MCPH1: variants seen among roughly 807,000 people sequenced by gnomAD.
MCPH1 encodes the protein microcephalin 1.
MCPH1 carries 104 observed loss-of-function variants against 84.5 expected under a neutral mutation model. The observed-to-expected ratio is 1.23, with a 90% confidence interval of 1.05 to 1.45. The LOEUF is 1.45. Ranked by LOEUF, MCPH1 falls within the 40% of genes most tolerant of loss-of-function variation. The pLI is 0.00. For synonymous variants in MCPH1, 514 were observed against 366.8 expected, an observed-to-expected ratio of 1.40 and a Z score of -4.58; for missense variants, 1,498 against 1,005.7, an observed-to-expected ratio of 1.49 and a Z score of -6.62.
At chr8:6,489,272 G>C (rs1391833687) in intron 11 of MCPH1, among the ~76,000 whole-genome samples, 1 of 151,956 alleles carries the variant, frequency 6.6e-6, no homozygotes, top group Non-Finnish European at 1.5e-5. Context: ...GTGAGTTTAG[G>C]TTTGATCTCT....
chr8:6,541,729 C>A (rs543480720), intron 12 of MCPH1, among the ~76,000 whole-genome samples: 3 of 152,246 alleles, frequency 2.0e-5, no homozygotes, highest in African/African-American at 7.2e-5. Flanking sequence ...TAGGGCCGGG[C>A]ATAGTGGCTC....
At chr8:6,583,779 G>T (rs990032058) in intron 12 of MCPH1, among the ~76,000 whole-genome samples, 44 of 150,364 alleles carry the variant, frequency 2.9e-4, no homozygotes, top group Middle Eastern at 3.4e-3. Flanking sequence ...GGATGCAGAA[G>T]AGACAACTGA....
chr8:6,508,620 C>A, intron 12 of MCPH1: 2 of 480,044 alleles, frequency 4.2e-6, no homozygotes, highest in South Asian at 4.7e-5. Context: ...GTAATTAAAC[C>A]ATCTCTCTAG....
At chr8:6,615,431 G>A (rs747802908) in intron 12 of MCPH1, among the ~76,000 whole-genome samples, 1 of 152,170 alleles carries the variant, frequency 6.6e-6, no homozygotes, top group Non-Finnish European at 1.5e-5. Context: ...ACGACACAAC[G>A]AACGAATGTG....
At chr8:6,527,641 G>A in intron 12 of MCPH1, 2 of 1,613,954 alleles carry the variant, frequency 1.2e-6, no homozygotes, top group African/African-American at 1.3e-5. Context: ...AGTGTTCCAA[G>A]AGCTGAAGTT....
chr8:6,439,078 G>GA lies in MCPH1; in HGVS notation c.566dup (p.Asn189LysfsTer15), dbSNP rs753597039. 2.0e-5 allele frequency: 33 copies of GA among 1,613,210 alleles called. No homozygotes were observed. The highest frequency in any genetic ancestry group is 1.6e-4 in the Middle Eastern group (1 of 6,082). ...ATTACAAGAGATGAAGGAGAAAAGG[G>GA]AAAATCTTTCCCCCACCTGTAAGTA... On this transcript the variant is annotated frameshift_variant, in exon 6 of 14. Transcript: ENST00000344683. LOFTEE classifies it high-confidence loss of function.
chr8:6,549,236 GGTAC>G (rs1284270194), intron 12 of MCPH1, among the ~76,000 whole-genome samples: 4 of 152,300 alleles, frequency 2.6e-5, no homozygotes, highest in Non-Finnish European at 5.9e-5. Flanking sequence ...CAGTACCATG[GGTAC>G]GTAAATTGTG....
intron 12 of MCPH1, among the ~76,000 whole-genome samples, chr8:6,547,792 C>T (rs764960390): frequency 1.3e-5 from 2 of 151,948 alleles, no homozygotes; most frequent in Admixed American, 6.6e-5. Context: ...GGTGGGAATG[C>T]GGGGCCAGGG....
chr8:6,424,510 C>G (rs1422420772), intron 3 of MCPH1, among the ~76,000 whole-genome samples: 23 of 152,236 alleles, frequency 1.5e-4, no homozygotes, highest in Admixed American at 1.5e-3. Flanking sequence ...GCCAGCTCCA[C>G]TTCCCGCCTC....
intron 3 of MCPH1, among the ~76,000 whole-genome samples, chr8:6,424,302 G>A (rs1400421441): frequency 1.3e-5 from 2 of 150,682 alleles, no homozygotes; most frequent in Admixed American, 6.6e-5. Context: ...TAACAGCTAG[G>A]TGGGGAATAC....
In MCPH1 at chr8:6,443,658, A is replaced by G. The variant is rs192264901; in HGVS notation, c.671-735A>G. Reference sequence around the variant, plus strand: ...GCCCACGTAACCATGGGGCAGTATGATGCATGATGGTGTGTAGCAGAGGGG... The same window carrying G: ...GCCCACGTAACCATGGGGCAGTATGGTGCATGATGGTGTGTAGCAGAGGGG... On this transcript the variant is annotated intron_variant, in intron 7 of 13. Coordinates refer to ENST00000344683, the MANE Select transcript of MCPH1 (RefSeq NM_024596.5). Among the ~76,000 whole-genome samples the G allele has an allele frequency of 1.1e-3, 170 of 152,316 alleles. 1 individual carries two copies. The highest frequency in any genetic ancestry group is 4.0e-3 in the African/African-American group (165 of 41,564).
Position 6,444,536 on chromosome 8 carries a change from A to C in MCPH1, c.814A>C (p.Asn272His). 6.2e-7 allele frequency: 1 copy of C among 1,614,170 alleles called. No homozygotes were observed. The highest frequency in any genetic ancestry group is 8.5e-7 in the Non-Finnish European group (1 of 1,180,014). The part of the protein sequence containing the change: ...VCISSLVLKA[N>H]NIHSSPSFTH... ...TATTTCTTCACTTGTATTGAAAGCAAATAATATTCATTCATCACCATCTTT... is the reference window on the plus strand; with the variant it reads ...TATTTCTTCACTTGTATTGAAAGCACATAATATTCATTCATCACCATCTTT... Residue 272 changes from asparagine to histidine, a missense_variant, in exon 8 of 14, where the codon AAT becomes CAT. By Grantham distance (68) the Asn-to-His change is moderately conservative (BLOSUM62 1). Coordinates refer to ENST00000344683, the MANE Select transcript of MCPH1 (RefSeq NM_024596.5).
intron 12 of MCPH1, among the ~76,000 whole-genome samples, chr8:6,542,616 T>C (rs1821821414): frequency 6.6e-6 from 1 of 151,800 alleles, no homozygotes; most frequent in African/African-American, 2.4e-5. Context: ...AAAAAAGTGC[T>C]GTCTGAGGAG....
chr8:6,629,434 C>A (rs550941202), intron 13 of MCPH1, among the ~76,000 whole-genome samples: 1 of 152,276 alleles, frequency 6.6e-6, no homozygotes, highest in South Asian at 2.1e-4. Flanking sequence ...TGCACTCCAA[C>A]CTGTGCAACA....
chr8:6,473,320 CTTTTTTTTTTTTTTT>C (rs56077837), intron 9 of MCPH1, among the ~76,000 whole-genome samples: 8 of 76,398 alleles, frequency 1.0e-4, no homozygotes, highest in Admixed American at 2.3e-4. Context: ...TCTCTCAATC[CTTTTTTTTTTTTTTT>C]TTTTTTTTTT....
chr8:6,572,380 A>G (rs911635456), intron 12 of MCPH1, among the ~76,000 whole-genome samples: 6 of 152,194 alleles, frequency 3.9e-5, no homozygotes, highest in Admixed American at 2.0e-4. Flanking sequence ...GCAAGTATCA[A>G]ATCCACTTGT....
chr8:6,551,521 G>A (rs1388091281), intron 12 of MCPH1, among the ~76,000 whole-genome samples: 2 of 152,174 alleles, frequency 1.3e-5, no homozygotes, highest in East Asian at 3.8e-4. Context: ...AAAATCACCA[G>A]TTGTTGTTTG....
At chr8:6,447,209 A>C (rs1129704) in intron 8 of MCPH1, 789,318 of 984,960 alleles carry the variant, frequency 0.8, 323,100 homozygotes, top group Non-Finnish European at 0.84. Context: ...TAAACTGTCC[A>C]CTGTCAGCCC....
rs375171907 is a variant in MCPH1, at chr8:6,406,660, C to T, written c.-8C>T. 7.4e-6 allele frequency: 12 copies of T among 1,611,990 alleles called. No homozygotes were observed. The highest frequency in any genetic ancestry group is 2.2e-5 in the East Asian group (1 of 44,830). The stretch of plus-strand genomic sequence containing the variant: ...CGTAGGCCAGCTGGCCGGATCCCGC[C>T]GTCTGTCATGGCGGCCCCCATCCTG... On this transcript the variant is annotated 5_prime_UTR_variant, in exon 1 of 14. Transcript: ENST00000344683.
Sources: gnomAD v4.1 joint callset for allele counts (sites outside exome capture counted in the v4.1 genomes callset) on GRCh38, gnomAD v4.1.1 for gene constraint, MANE v1.5 for transcripts, NCBI Gene and HGNC (gene_info 2026-07-23, HGNC 2026-07-21) for gene names.